Variants in DEPDC1 observed in about 807,000 individuals in gnomAD.
DEPDC1 encodes the protein DEP domain-containing protein 1A.
Under a neutral mutation model 86.8 loss-of-function variants are expected in DEPDC1, and 66 were observed. That is an observed-to-expected ratio of 0.76 (90% CI 0.62 to 0.93). DEPDC1 has a LOEUF of 0.93. Ranked by LOEUF, DEPDC1 falls within the 40% of genes least tolerant of loss-of-function variation. The pLI is 0.00. For synonymous variants in DEPDC1, 255 were observed against 314.9 expected, an observed-to-expected ratio of 0.81 and a Z score of 2.02; for missense variants, 792 against 935.7, an observed-to-expected ratio of 0.85 and a Z score of 2.00.
At position 68,497,048 on chromosome 1, in the gene DEPDC1, G is replaced by GGCCCAGCGGCC; in HGVS notation, c.-60_-50dup. The GGCCCAGCGGCC allele has an allele frequency of 6.3e-7, 1 of 1,599,234 alleles. No individual in the cohort carries two copies. The highest frequency in any genetic ancestry group is 2.3e-5 in the East Asian group (1 of 43,610). On this transcript the variant is annotated 5_prime_UTR_variant, in exon 1 of 12. Coordinates refer to ENST00000456315, the MANE Select transcript of DEPDC1 (RefSeq NM_001114120.3). ...TCCATGGCGGCGAAGGCGACACTCA[G>GGCCCAGCGGCC]GCCCAGCGGCCGCGGCAGTGGCGAG...
rs971472603 is a variant in DEPDC1 at position 68,475,250 on chromosome 1, A to C, written c.*1682T>G. The C allele has an allele frequency of 6.6e-6, 1 of 152,000 alleles. No individual in the cohort carries two copies. The highest frequency in any genetic ancestry group is 1.5e-5 in the Non-Finnish European group (1 of 67,906). 9.4% of individuals were successfully genotyped at this position (152,000 alleles called of 1,614,324 possible). A position where few individuals can be genotyped will look rare whatever the true frequency, so the allele number is the denominator to read the frequency against. Reference sequence around the variant, plus strand: ...ATTTTGTAATCTCAATTGCATGTACATTAGTGCAAATGAAAGTTGCCTGCC... The same window carrying C: ...ATTTTGTAATCTCAATTGCATGTACCTTAGTGCAAATGAAAGTTGCCTGCC... On this transcript the variant is annotated 3_prime_UTR_variant, in exon 12 of 12. Coordinates refer to ENST00000456315, the MANE Select transcript of DEPDC1 (RefSeq NM_001114120.3).
rs780563700 is a variant in DEPDC1, at chr1:68,482,358, T to C, written c.1450A>G (p.Lys484Glu). Residue 484 changes from lysine (K) to glutamate (E), a missense_variant, in exon 8 of 12, where the codon AAG becomes GAG. Transcript: ENST00000456315. Reference protein sequence around the residue: ...NIQKPFSAGFKRTSTLTVQDQ... With the variant: ...NIQKPFSAGFERTSTLTVQDQ... ...TGAACAGTCAAAGTAGAGGTTCTCT[T>C]AAAACCAGCACTGAATGGCTTTTGA... The C allele has an allele frequency of 5.2e-5, 84 of 1,612,810 alleles. No homozygotes were observed. The highest frequency in any genetic ancestry group is 6.4e-5 in the Non-Finnish European group (75 of 1,179,322).
rs1646197173 is a variant in DEPDC1, at chr1:68,486,988, C to T, written c.722-4G>A. On this transcript the variant is annotated splice_region_variant and splice_polypyrimidine_tract_variant and intron_variant, in intron 5 of 11. Transcript: ENST00000456315. ...AATACCCAGTGAGGGAGGTCATCTA[C>T]ACAAAAAGAAAAATATTACTAAGTA... 1 of 1,593,842 alleles carries T rather than the reference C, an allele frequency of 6.3e-7. No individual in the cohort carries two copies. Among genetic ancestry groups the T allele is most frequent in the Non-Finnish European group, 8.5e-7 (1 of 1,173,116 alleles).
intron 9 of DEPDC1, among the ~76,000 whole-genome samples, chr1:68,479,883 C>T (rs904579817): frequency 1.3e-5 from 2 of 151,210 alleles, no homozygotes; most frequent in Non-Finnish European, 2.9e-5. Context: ...ACAATTTTGT[C>T]ACAATTTTAT....
At chr1:68,493,283 G>C (rs1333630322) in intron 2 of DEPDC1, among the ~76,000 whole-genome samples, 1 of 152,066 alleles carries the variant, frequency 6.6e-6, no homozygotes, top group Non-Finnish European at 1.5e-5. Flanking sequence ...TAAATTCTTA[G>C]ACATTTCATT....
In DEPDC1 at chr1:68,479,157, A is replaced by G; in HGVS notation, c.2099T>C (p.Leu700Ser). ...QTAVEKHLDYLKKGHIENPGD... is the reference protein window; with the variant it reads ...QTAVEKHLDYSKKGHIENPGD... The stretch of plus-strand genomic sequence containing the variant: ...CACAATACTTACATGTCCCTTTTTT[A>G]AGTAGTCAAGATGTTTTTCCACTGC... Residue 700 changes from leucine to serine, a missense_variant, in exon 10 of 12, where the codon TTA (leucine) becomes TCA (serine). By Grantham distance (145) the Leu-to-Ser change is moderately radical (BLOSUM62 -2). Coordinates refer to ENST00000456315, the MANE Select transcript of DEPDC1 (RefSeq NM_001114120.3). The G allele has an allele frequency of 6.2e-7, 1 of 1,606,312 alleles. No individual in the cohort carries two copies. The highest frequency in any genetic ancestry group is 1.1e-5 in the South Asian group (1 of 89,726).
Position 68,481,509 on chromosome 1 carries a change from A to G in DEPDC1, c.1866T>C (p.Arg622=), listed in dbSNP as rs761129663. Residue 622 remains arginine (R), a synonymous_variant, in exon 9 of 12, where the codon CGT becomes CGC. Transcript: ENST00000456315. ...PNRRKLQLLM[R]MISRMSQNVD... ...CATTTTGACTCATTCGGGAAATCATACGCATTAAAAGTTGAAGCTTTCTAC... is the reference window on the plus strand; with the variant it reads ...CATTTTGACTCATTCGGGAAATCATGCGCATTAAAAGTTGAAGCTTTCTAC... 1 of 1,612,500 alleles carries G rather than the reference A, an allele frequency of 6.2e-7. No individual in the cohort carries two copies. Among genetic ancestry groups the G allele is most frequent in the South Asian group, 1.1e-5 (1 of 90,994 alleles).
Position 68,482,449 on chromosome 1 carries a change from A to G in DEPDC1, c.1359T>C (p.Asn453=). The change falls in exon 8 of 12, where the codon AAT becomes AAC. Residue 453 remains asparagine (N), a synonymous_variant. Transcript: ENST00000456315. ...QSFPNIEGQN[N]KLFLESKPKQ... is the part of the protein sequence containing the mutation. ...TGGGCTTAGACTCTAAAAACAGTTT[A>G]TTATTTTGTCCTTCTATGTTCGGAA... 6.2e-7 allele frequency: 1 copy of G among 1,612,946 alleles called. No homozygotes were observed.
At chr1:68,494,837 T>G in intron 1 of DEPDC1, 142 bp from the exon 2 acceptor site, 1 of 803,080 alleles carries the variant, frequency 1.2e-6, no homozygotes, top group Non-Finnish European at 1.9e-6. Context: ...TCATCTTATT[T>G]GTGCCATATA....
At chr1:68,481,336 C>G in intron 9 of DEPDC1, 104 bp downstream of exon 9, 1 of 1,015,590 alleles carries the variant, frequency 9.8e-7, no homozygotes, top group Non-Finnish European at 1.4e-6. Context: ...AAGAATCTAG[C>G]ACTTTAAGAC....
In DEPDC1 at chr1:68,476,479, T is replaced by G. The variant is rs1646115693; in HGVS notation, c.*453A>C. On this transcript the variant is annotated 3_prime_UTR_variant, in exon 12 of 12. Transcript: ENST00000456315. The stretch of plus-strand genomic sequence containing the variant: ...GAGTGCAACATTTGGCAGCTGAGAA[T>G]TATTTCATTGAGTTTTCAAATATTC... 2 of 151,986 alleles carry G rather than the reference T, an allele frequency of 1.3e-5. No homozygotes were observed. Among genetic ancestry groups the G allele is most frequent in the South Asian group, 4.1e-4 (2 of 4,834 alleles). The allele number at this position is 151,986 out of a possible 1,614,324, so 9.4% of individuals were successfully genotyped here.
At chr1:68,477,994 A>G (rs1019803226) in intron 10 of DEPDC1, 22 bp from the exon 11 acceptor site, 2 of 1,469,464 alleles carry the variant, frequency 1.4e-6, no homozygotes, top group Non-Finnish European at 1.8e-6. Context: ...AAAATGATAT[A>G]ACTCTGTTAA....
chr1:68,493,447 T>C (rs1019421283), intron 2 of DEPDC1, among the ~76,000 whole-genome samples: 1 of 152,026 alleles, frequency 6.6e-6, no homozygotes, highest in African/African-American at 2.4e-5. Context: ...GAAGAGGCTA[T>C]AAAGGAGCTG....
chr1:68,494,817 G>T (rs1490741282), intron 1 of DEPDC1, 122 bp from the exon 2 acceptor site: 5 of 842,676 alleles, frequency 5.9e-6, no homozygotes, highest in African/African-American at 1.7e-5. Context: ...AAAAATTCTT[G>T]AAGAATCATT....
At chr1:68,480,835 A>C (rs1464791747) in intron 9 of DEPDC1, among the ~76,000 whole-genome samples, 1 of 151,914 alleles carries the variant, frequency 6.6e-6, no homozygotes, top group Non-Finnish European at 1.5e-5. Flanking sequence ...TTGTAAATTG[A>C]AGTTGCATTT....
At chr1:68,487,919 T>G (rs1646203521) in intron 5 of DEPDC1, among the ~76,000 whole-genome samples, 1 of 151,896 alleles carries the variant, frequency 6.6e-6, no homozygotes, top group South Asian at 2.1e-4. Context: ...CTTGAAAGTC[T>G]GAGCTTATTT....
intron 8 of DEPDC1, 51 bp downstream of exon 8, chr1:68,481,995 T>TTAGTAAAC: frequency 6.7e-7 from 1 of 1,493,124 alleles, no homozygotes; most frequent in South Asian, 1.4e-5. Flanking sequence ...AAACACAGAG[T>TTAGTAAAC]TAGTAAACAC....
At chr1:68,481,988 C>T in intron 8 of DEPDC1, 58 bp downstream of exon 8, 2 of 1,466,426 alleles carry the variant, frequency 1.4e-6, no homozygotes, top group East Asian at 2.4e-5. Flanking sequence ...GTAAGCAAAA[C>T]ACAGAGTTAG....
intron 1 of DEPDC1, among the ~76,000 whole-genome samples, chr1:68,494,985 A>T (rs1354920900): frequency 6.6e-6 from 1 of 152,172 alleles, no homozygotes; most frequent in African/African-American, 2.4e-5. Context: ...TCTACTAAAA[A>T]TACAAAATTA....
Sources: gnomAD v4.1 joint callset for allele counts (sites outside exome capture counted in the v4.1 genomes callset) on GRCh38, gnomAD v4.1.1 for gene constraint, MANE v1.5 for transcripts, NCBI Gene and HGNC (gene_info 2026-07-23, HGNC 2026-07-21) for gene names.